GPC5: variants seen among roughly 807,000 people sequenced by gnomAD.
GPC5 encodes the protein glypican 5, also known as glypican-5.
In GPC5, 47 loss-of-function variants were observed where a neutral mutation model predicts 53.9. That is an observed-to-expected ratio of 0.87 (90% CI 0.69 to 1.11). The LOEUF (loss-of-function observed/expected upper bound fraction) is 1.11, where lower values mean the gene tolerates loss of function less well. Among genes scored for constraint, GPC5 ranks in the 50% most tolerant of loss-of-function variants. The pLI is 0.00. For missense variants in GPC5, 748 were observed against 713.1 expected, an observed-to-expected ratio of 1.05 and a Z score of -0.56; for synonymous variants, 286 against 263.3, an observed-to-expected ratio of 1.09 and a Z score of -0.84.
chr13:92,850,986 G>C (rs912318754), intron 7 of GPC5, among the ~76,000 whole-genome samples: 2 of 152,168 alleles, frequency 1.3e-5, no homozygotes, highest in African/African-American at 4.8e-5. Flanking sequence ...TGTACAGGAA[G>C]CATGGAGGCA....
chr13:91,751,782 T>C lies in GPC5; in HGVS notation c.1155-4513T>C, dbSNP rs2037182846. 3.3e-5 allele frequency among the ~76,000 whole-genome samples: 5 copies of C among 152,214 alleles called. No individual in the cohort carries two copies. In the South Asian group the frequency reaches 1.0e-3, roughly 31 times the overall value. On this transcript the variant is annotated intron_variant, in intron 4 of 7. Transcript: ENST00000377067. ...ACTGTCTTCCACATTGAAACGAGCA[T>C]ACATAAGAACAAATCTTTAATTTTT...
chr13:92,522,688 A>C (rs1029231768), intron 7 of GPC5, among the ~76,000 whole-genome samples: 1 of 152,122 alleles, frequency 6.6e-6, no homozygotes, highest in Non-Finnish European at 1.5e-5. Context: ...TAATGGGTGA[A>C]GCACTCCAAC....
At chr13:92,370,556 CTCTA>C (rs2043641931) in intron 7 of GPC5, among the ~76,000 whole-genome samples, 1 of 151,802 alleles carries the variant, frequency 6.6e-6, no homozygotes, top group African/African-American at 2.4e-5. Flanking sequence ...TGTCAATCAT[CTCTA>C]TCTAATATTC....
intron 6 of GPC5, among the ~76,000 whole-genome samples, chr13:91,972,094 G>A (rs2040248260): frequency 6.6e-6 from 1 of 152,076 alleles, no homozygotes; most frequent in Non-Finnish European, 1.5e-5. Flanking sequence ...TTATTGTGTT[G>A]GAGTCTAAGT....
At chr13:91,955,312 C>T (rs988769946) in intron 6 of GPC5, among the ~76,000 whole-genome samples, 3 of 152,144 alleles carry the variant, frequency 2.0e-5, no homozygotes, top group Non-Finnish European at 4.4e-5. Flanking sequence ...CATTATGCTT[C>T]TGCATAGTAA....
intron 7 of GPC5, among the ~76,000 whole-genome samples, chr13:92,321,943 TTAAA>T (rs1037615949): frequency 2.0e-5 from 3 of 152,138 alleles, no homozygotes; most frequent in Non-Finnish European, 2.9e-5. Context: ...CTTTGTAACT[TTAAA>T]TAATCTATAT....
chr13:91,651,869 A>T (rs1301100151), intron 2 of GPC5, among the ~76,000 whole-genome samples: 1 of 152,216 alleles, frequency 6.6e-6, no homozygotes, highest in Non-Finnish European at 1.5e-5. Context: ...AGACTAAGTC[A>T]TGGAGAAGTA....
At chr13:92,225,015 G>C (rs766315833) in intron 7 of GPC5, among the ~76,000 whole-genome samples, 1 of 152,186 alleles carries the variant, frequency 6.6e-6, no homozygotes, top group East Asian at 1.9e-4. Flanking sequence ...TTAGAAGCTA[G>C]TTTTGTCAGT....
At chr13:91,864,704 T>C (rs544022692) in intron 5 of GPC5, among the ~76,000 whole-genome samples, 105 of 152,228 alleles carry the variant, frequency 6.9e-4, no homozygotes, top group African/African-American at 2.4e-3. Flanking sequence ...TGCAAAACTT[T>C]GAATAAAAAT....
chr13:91,721,383 C>T (rs1057268565), intron 3 of GPC5, among the ~76,000 whole-genome samples: 1 of 152,124 alleles, frequency 6.6e-6, no homozygotes, highest in East Asian at 1.9e-4. Flanking sequence ...GATCTGCCTG[C>T]CTCAGCCTCC....
intron 5 of GPC5, among the ~76,000 whole-genome samples, chr13:91,804,048 G>T (rs986662491): frequency 5.3e-5 from 8 of 151,740 alleles, no homozygotes; most frequent in African/African-American, 1.9e-4. Context: ...GGAGACAGAT[G>T]CCCAGAAAGA....
chr13:91,430,752 G>A (rs1879388080), intron 1 of GPC5, among the ~76,000 whole-genome samples: 1 of 152,098 alleles, frequency 6.6e-6, no homozygotes, highest in Admixed American at 6.5e-5. Flanking sequence ...TTGCCAATTT[G>A]GGTTAGATTT....
Position 92,219,457 on chromosome 13 carries a change from G to A in GPC5, c.1561+74468G>A, listed in dbSNP as rs968875821. Among the ~76,000 whole-genome samples, 10 of 152,204 alleles carry A rather than the reference G, an allele frequency of 6.6e-5. No individual in the cohort carries two copies. In the South Asian group the frequency reaches 8.3e-4, roughly 13 times the overall value. On this transcript the variant is annotated intron_variant, in intron 7 of 7. Transcript: ENST00000377067. Reference sequence around the variant, plus strand: ...GTCTGGAGGCAGGGAAGCTAAGGCCGATTCGCACTGGCTTCCTAGAACGAA... The same window carrying A: ...GTCTGGAGGCAGGGAAGCTAAGGCCAATTCGCACTGGCTTCCTAGAACGAA...
intron 6 of GPC5, among the ~76,000 whole-genome samples, chr13:91,988,587 A>C (rs2040429523): frequency 6.6e-6 from 1 of 152,230 alleles, no homozygotes; most frequent in Non-Finnish European, 1.5e-5. Context: ...CAGCCATCTG[A>C]TATCATGATG....
At chr13:92,464,152 G>A (rs946722214) in intron 7 of GPC5, among the ~76,000 whole-genome samples, 2 of 152,178 alleles carry the variant, frequency 1.3e-5, no homozygotes, top group Admixed American at 1.3e-4. Context: ...ACTCAGATCT[G>A]ACTGGAGAGA....
intron 5 of GPC5, among the ~76,000 whole-genome samples, chr13:91,775,724 A>G (rs1305414599): frequency 1.3e-5 from 2 of 152,178 alleles, no homozygotes; most frequent in Non-Finnish European, 1.5e-5. Flanking sequence ...CACTTGATGT[A>G]TGTCCCGTGA....
chr13:92,759,219 C>T (rs2138734648), intron 7 of GPC5, among the ~76,000 whole-genome samples: 1 of 150,820 alleles, frequency 6.6e-6, no homozygotes, highest in African/African-American at 2.4e-5. Context: ...AATTGCTTGG[C>T]TATTCAGGGT....
intron 5 of GPC5, among the ~76,000 whole-genome samples, chr13:91,890,849 G>A (rs964961173): frequency 3.9e-4 from 60 of 152,204 alleles, no homozygotes; most frequent in African/African-American, 1.4e-3. Context: ...AGGAGTAGAA[G>A]TCTCATTGTG....
intron 7 of GPC5, among the ~76,000 whole-genome samples, chr13:92,643,165 T>G (rs1594376099): frequency 6.6e-6 from 1 of 151,990 alleles, no homozygotes; most frequent in African/African-American, 2.4e-5. Context: ...TTTCTCCCAT[T>G]TTGTAGGTTG....
Sources: allele counts gnomAD v4.1 joint callset (sites outside exome capture counted in the v4.1 genomes callset), GRCh38; gene constraint gnomAD v4.1.1; transcripts MANE v1.5; gene names NCBI Gene and HGNC (gene_info 2026-07-23, HGNC 2026-07-21).